CLDN14: variants seen among roughly 807,000 people sequenced by gnomAD.
CLDN14 encodes claudin-14.
A neutral mutation model predicts 2.1 loss-of-function variants in CLDN14; 2 were observed. The observed-to-expected ratio is 0.96, with a 90% CI of 0.39 to 3.01. CLDN14 has a LOEUF of 3.01. Among genes scored for constraint, CLDN14 ranks in the 30% most tolerant of loss-of-function variants. CLDN14 has a pLI of 0.09. For synonymous variants in CLDN14, 136 were observed against 154.4 expected (o/e 0.88, Z 0.88); for missense variants, 298 against 328.0 (o/e 0.91, Z 0.71).
chr21:36,532,150 G>C (rs2087385326), intron 1 of CLDN14: 1 of 152,150 alleles, frequency 6.6e-6, no homozygotes, highest in Non-Finnish European at 1.5e-5. Context: ...AGTGTGGCAT[G>C]CTAGCAGGAG....
In CLDN14 at chr21:36,460,862, T is replaced by C; in HGVS notation, c.*114A>G. 8.0e-7 allele frequency: 1 copy of C among 1,255,868 alleles called. No individual in the cohort carries two copies. Among genetic ancestry groups the C allele is most frequent in the Non-Finnish European group, 1.1e-6 (1 of 889,462 alleles). The allele number at this position is 1,255,868 out of a possible 1,614,324, so 77.8% of individuals were successfully genotyped here. On this transcript the variant is annotated 3_prime_UTR_variant, in exon 2 of 2. Transcript: ENST00000399135. This position sits in a 1 kb window ranked among gnomAD's most constrained non-coding sequence, Gnocchi z 4.0. ...ATTTCCTCGCATTCACATTATTTCC[T>C]TGGATACAAAAATTGCCCAGAAGTA...
chr21:36,480,838 G>A (rs2086837489), upstream of CLDN14: 1 of 152,048 alleles, frequency 6.6e-6, no homozygotes. Context: ...CCGGGCTCTG[G>A]TTGGTGTTTA....
chr21:36,473,024 C>T (rs2086730133), intron 1 of CLDN14, among the ~76,000 whole-genome samples: 1 of 152,224 alleles, frequency 6.6e-6, no homozygotes. Context: ...CCTTTATTTC[C>T]AACATCAGCC....
chr21:36,539,867 A>C (rs2087471582), intron 1 of CLDN14, among the ~76,000 whole-genome samples: 1 of 142,650 alleles, frequency 7.0e-6, no homozygotes, highest in Non-Finnish European at 1.5e-5. Context: ...GTGTGTGTGC[A>C]GTATGTCTGC....
intron 1 of CLDN14, among the ~76,000 whole-genome samples, chr21:36,528,682 C>T (rs1404601124): frequency 6.6e-6 from 1 of 152,216 alleles, no homozygotes; most frequent in Non-Finnish European, 1.5e-5. Context: ...CCCTCTCCTG[C>T]AGACAGTGAT....
intron 1 of CLDN14, among the ~76,000 whole-genome samples, chr21:36,552,480 A>T (rs1190466863): frequency 6.6e-6 from 1 of 152,078 alleles, no homozygotes; most frequent in Non-Finnish European, 1.5e-5. Flanking sequence ...CTGTTACAGG[A>T]CTCATTATCC....
chr21:36,538,538 C>T (rs1286904047), intron 1 of CLDN14, among the ~76,000 whole-genome samples: 2 of 152,066 alleles, frequency 1.3e-5, no homozygotes, highest in African/African-American at 4.8e-5. Flanking sequence ...CGCTTGAACC[C>T]GGAAGATGGA....
intron 2 of CLDN14, among the ~76,000 whole-genome samples, chr21:36,488,295 CAG>C (rs1318491382): frequency 8.4e-6 from 1 of 119,722 alleles, no homozygotes; most frequent in East Asian, 2.4e-4. Context: ...CTTTTTGAGA[CAG>C]AGTCTCACTC....
chr21:36,460,893 T>G lies in CLDN14; in HGVS notation c.*83A>C. On this transcript the variant is annotated 3_prime_UTR_variant, in exon 2 of 2. Coordinates refer to ENST00000399135, the MANE Select transcript of CLDN14 (RefSeq NM_001146079.2). The surrounding 1 kb of genome is among the most constrained non-coding windows in gnomAD (Gnocchi z 4.0). The stretch of plus-strand genomic sequence containing the variant: ...ACAAAAATTGCCCAGAAGTAAACTT[T>G]GTGCTGGAACCCCTGCCTCCATTGA... The G allele has an allele frequency of 6.6e-7, 1 of 1,512,452 alleles. No homozygotes were observed. Among genetic ancestry groups the G allele is most frequent in the Non-Finnish European group, 9.0e-7 (1 of 1,112,176 alleles). The allele number at this position is 1,512,452 out of a possible 1,614,324, so 93.7% of individuals were successfully genotyped here. A position where few individuals can be genotyped will look rare whatever the true frequency, so the allele number is the denominator to read the frequency against.
intron 1 of CLDN14, among the ~76,000 whole-genome samples, chr21:36,537,825 T>G (rs999767226): frequency 6.6e-6 from 1 of 152,156 alleles, no homozygotes; most frequent in Non-Finnish European, 1.5e-5. Context: ...AATTTTTGTA[T>G]TTTTAGTAAA....
chr21:36,483,306 C>T (rs150288921), upstream of CLDN14, among the ~76,000 whole-genome samples: 31 of 152,308 alleles, frequency 2.0e-4, no homozygotes, highest in African/African-American at 7.0e-4. Flanking sequence ...CCCTGAGGAG[C>T]GAGCCCGGTC....
rs1485074888 is a variant in CLDN14, at chr21:36,544,680, C to T, written c.-220+31731G>A. On this transcript the variant is annotated intron_variant, in intron 1 of 2. Coordinates refer to the CLDN14 transcript ENST00000342108. This position sits in a 1 kb window ranked among gnomAD's most constrained non-coding sequence, Gnocchi z 4.1. ...ACTTTGAAATGAACTCTTTACACCTCCTTCCTGCTGACCCGACTGCAAATC... is the reference window on the plus strand; with the variant it reads ...ACTTTGAAATGAACTCTTTACACCTTCTTCCTGCTGACCCGACTGCAAATC... 6.6e-6 allele frequency among the ~76,000 whole-genome samples: 1 copy of T among 152,206 alleles called. No homozygotes were observed. The highest frequency in any genetic ancestry group is 6.5e-5 in the Admixed American group (1 of 15,290).
At chr21:36,527,582 A>G (rs1010563930) in intron 1 of CLDN14, among the ~76,000 whole-genome samples, 2 of 152,178 alleles carry the variant, frequency 1.3e-5, no homozygotes, top group East Asian at 1.9e-4. Flanking sequence ...TTACTCACCA[A>G]TGGAAAATAA....
At chr21:36,513,898 C>T (rs2087204311) in intron 1 of CLDN14, among the ~76,000 whole-genome samples, 1 of 152,170 alleles carries the variant, frequency 6.6e-6, no homozygotes, top group South Asian at 2.1e-4. Context: ...GTGGCACGAC[C>T]TCCGCTCGCT....
At chr21:36,567,605 T>C (rs1417363330) in intron 1 of CLDN14, among the ~76,000 whole-genome samples, 2 of 152,244 alleles carry the variant, frequency 1.3e-5, no homozygotes, top group African/African-American at 4.8e-5. Context: ...ACAATGCTCT[T>C]GGTGAAAGCA....
chr21:36,492,210 G>A (rs2086973482), intron 2 of CLDN14, among the ~76,000 whole-genome samples: 1 of 147,192 alleles, frequency 6.8e-6, no homozygotes, highest in Admixed American at 6.7e-5. Flanking sequence ...CGAGGCGGGT[G>A]GATCATGAGG....
At chr21:36,538,005 G>GTGTGTT (rs1256331832) in intron 1 of CLDN14, among the ~76,000 whole-genome samples, 1 of 151,966 alleles carries the variant, frequency 6.6e-6, no homozygotes, top group Non-Finnish European at 1.5e-5. Flanking sequence ...GTGTGTGTGT[G>GTGTGTT]TGTGTGTGTG....
chr21:36,560,758 G>T (rs989966509), intron 1 of CLDN14, among the ~76,000 whole-genome samples: 1 of 152,160 alleles, frequency 6.6e-6, no homozygotes, highest in Non-Finnish European at 1.5e-5. Context: ...CAGATGTGCA[G>T]AAAATGTTGC....
At chr21:36,521,568 T>C (rs1427246606) in intron 1 of CLDN14, among the ~76,000 whole-genome samples, 2 of 152,110 alleles carry the variant, frequency 1.3e-5, no homozygotes, top group African/African-American at 2.4e-5. Flanking sequence ...TGAAATTGAG[T>C]CCTGTAGAGG....
Sources: gnomAD v4.1 joint callset for allele counts (sites outside exome capture counted in the v4.1 genomes callset) on GRCh38, gnomAD v4.1.1 for gene constraint, Gnocchi (gnomAD v3.1) non-coding constraint, MANE v1.5 for transcripts, NCBI Gene and HGNC (gene_info 2026-07-23, HGNC 2026-07-21) for gene names.